ZNF33A: variants seen among roughly 807,000 people sequenced by gnomAD.
ZNF33A encodes the protein brain my041 protein.
Under a neutral mutation model 15.9 loss-of-function variants are expected in ZNF33A, and 9 were observed. The observed-to-expected ratio is 0.57, with a 90% CI of 0.34 to 0.99. The LOEUF (loss-of-function observed/expected upper bound fraction) is 0.99. Ranked by LOEUF, ZNF33A falls within the 50% of genes least tolerant of loss-of-function variation. The pLI is 0.02. For synonymous variants in ZNF33A, 294 were observed against 324.2 expected (o/e 0.91, Z 1.00); for missense variants, 843 against 941.6 (o/e 0.90, Z 1.37).
intron 4 of ZNF33A, among the ~76,000 whole-genome samples, chr10:38,050,009 C>T (rs2066128348): frequency 6.6e-6 from 1 of 152,094 alleles, no homozygotes; most frequent in Non-Finnish European, 1.5e-5. Flanking sequence ...CTGCTTACTT[C>T]AAAACAAATA....
intron 4 of ZNF33A, among the ~76,000 whole-genome samples, chr10:38,051,693 C>T (rs2066213857): frequency 6.6e-6 from 1 of 151,780 alleles, no homozygotes; most frequent in Non-Finnish European, 1.5e-5. Flanking sequence ...TACGATTATA[C>T]CTATTACATT....
chr10:38,011,659 G>A (rs914279651), intron 1 of ZNF33A, among the ~76,000 whole-genome samples: 2 of 151,944 alleles, frequency 1.3e-5, no homozygotes, highest in Non-Finnish European at 2.9e-5. Flanking sequence ...TGTTTGTTAA[G>A]GTCACTGACT....
downstream of ZNF33A, among the ~76,000 whole-genome samples, chr10:38,060,466 G>A (rs531247080): frequency 3.2e-4 from 49 of 152,216 alleles, 1 homozygote; most frequent in African/African-American, 9.9e-4. Flanking sequence ...ACAGCTGCTC[G>A]CCACAACCCC....
At chr10:38,019,452 G>A (rs1418892279) in intron 4 of ZNF33A, among the ~76,000 whole-genome samples, 2 of 152,182 alleles carry the variant, frequency 1.3e-5, no homozygotes, top group Admixed American at 6.5e-5. Context: ...ACATACGTGT[G>A]CATGTGTCTT....
At chr10:38,017,501 A>C in intron 4 of ZNF33A, 115 bp downstream of exon 4, 1 of 706,596 alleles carries the variant, frequency 1.4e-6, no homozygotes, top group Non-Finnish European at 2.4e-6. Context: ...TAGGGATCCT[A>C]ACCTCTGGAA....
chr10:38,066,305 G>A (rs751185404), downstream of ZNF33A, among the ~76,000 whole-genome samples: 1 of 151,588 alleles, frequency 6.6e-6, no homozygotes, highest in Non-Finnish European at 1.5e-5. Context: ...TTGAGACAGA[G>A]TCTCACTCTG....
chr10:38,046,862 A>G (rs72793735), intron 4 of ZNF33A, among the ~76,000 whole-genome samples: 8,653 of 152,268 alleles, frequency 0.057, 375 homozygotes, highest in Non-Finnish European at 0.077. Flanking sequence ...AGAAATGAAT[A>G]CTATAATGCT....
rs192688407 is a variant in ZNF33A, at chr10:38,014,735, G to A, written c.10-2136G>A. Among the ~76,000 whole-genome samples the A allele has an allele frequency of 6.6e-5, 10 of 152,316 alleles. No homozygotes were observed. The East Asian group carries it at 1.3e-3, about 21-fold the overall frequency. ...ACTTGGTGAAACATCTTAGCGTCTA[G>A]TAGCTGGTTTAACACATTTTTTCTT... On this transcript the variant is annotated intron_variant, in intron 2 of 4. Transcript: ENST00000432900.
At chr10:38,037,249 G>A (rs1374255399) in intron 4 of ZNF33A, among the ~76,000 whole-genome samples, 2 of 152,094 alleles carry the variant, frequency 1.3e-5, no homozygotes, top group African/African-American at 2.4e-5. Context: ...TATATGGTGT[G>A]AGGAAAGGAA....
intron 2 of ZNF33A, among the ~76,000 whole-genome samples, chr10:38,013,283 G>A (rs1289541494): frequency 6.6e-6 from 1 of 151,812 alleles, no homozygotes; most frequent in East Asian, 1.9e-4. Context: ...GCTAATTTTT[G>A]TATTTTTAGT....
intron 4 of ZNF33A, among the ~76,000 whole-genome samples, chr10:38,031,644 A>G (rs1251599341): frequency 6.6e-6 from 1 of 152,022 alleles, no homozygotes; most frequent in Non-Finnish European, 1.5e-5. Flanking sequence ...CCTGCCAACT[A>G]TAAATAATTC....
At chr10:38,064,850 G>C (rs904371092), downstream of ZNF33A, 3 of 152,002 alleles carry the variant, frequency 2.0e-5, no homozygotes, top group African/African-American at 7.3e-5. Flanking sequence ...AGGGACCTCT[G>C]ATGAAAATCC....
intron 1 of ZNF33A, 132 bp downstream of exon 1, chr10:38,010,915 G>A: frequency 9.0e-7 from 1 of 1,112,738 alleles, no homozygotes; most frequent in Non-Finnish European, 1.3e-6. Flanking sequence ...GGACGGCGGG[G>A]CTGCAGCGTG....
chr10:38,054,321 C>T, intron 4 of ZNF33A, 54 bp from the exon 5 acceptor site: 2 of 1,459,894 alleles, frequency 1.4e-6, no homozygotes, highest in Middle Eastern at 2.6e-4. Context: ...CGATTTCATT[C>T]CCTAAGAAAT....
rs759812246 is a variant in ZNF33A at position 38,017,252 on chromosome 10, A to G, written c.155-39A>G. 8.8e-6 allele frequency: 14 copies of G among 1,592,240 alleles called. 1 individual carries two copies. The South Asian group carries it at 1.6e-4, about 18-fold the overall frequency. On this transcript the variant is annotated intron_variant, in intron 3 of 4. Transcript: ENST00000432900. Reference sequence around the variant, plus strand: ...CCTGCTTCAAAGGCCTGAAGTCTAGACTGCTTGGTCCAAATCCTAAATTAT... The same window carrying G: ...CCTGCTTCAAAGGCCTGAAGTCTAGGCTGCTTGGTCCAAATCCTAAATTAT...
chr10:38,027,584 C>G (rs1321244326), intron 4 of ZNF33A, among the ~76,000 whole-genome samples: 1 of 151,596 alleles, frequency 6.6e-6, no homozygotes, highest in Non-Finnish European at 1.5e-5. Flanking sequence ...CTCCTGGCAT[C>G]AAGTGATCCA....
intron 4 of ZNF33A, among the ~76,000 whole-genome samples, chr10:38,031,340 TG>T (rs1156714200): frequency 2.6e-5 from 4 of 151,886 alleles, no homozygotes; most frequent in Non-Finnish European, 5.9e-5. Flanking sequence ...GAGGCCAAGG[TG>T]GGTGGATCAC....
chr10:38,014,500 C>G (rs974897666), intron 2 of ZNF33A, among the ~76,000 whole-genome samples: 1 of 152,212 alleles, frequency 6.6e-6, no homozygotes, highest in Non-Finnish European at 1.5e-5. Flanking sequence ...TTGGCATTCA[C>G]ATTTACATCT....
downstream of ZNF33A, chr10:38,064,228 G>A: frequency 1.0e-6 from 1 of 988,072 alleles, no homozygotes; most frequent in Non-Finnish European, 1.5e-6. Flanking sequence ...GGGGATGGTG[G>A]TCACATCTCC....
Sources: allele counts gnomAD v4.1 joint callset (sites outside exome capture counted in the v4.1 genomes callset), GRCh38; gene constraint gnomAD v4.1.1; transcripts MANE v1.5; gene names NCBI Gene and HGNC (gene_info 2026-07-23, HGNC 2026-07-21).